Variants in TOR1A observed in about 807,000 individuals in gnomAD.
The protein encoded by TOR1A is torsin-1A.
In TOR1A, 18 loss-of-function variants were observed where a neutral mutation model predicts 31.4. The observed-to-expected ratio is 0.57, with a 90% CI of 0.40 to 0.85. The LOEUF is 0.85. Ranked by LOEUF, TOR1A falls within the 40% of genes least tolerant of loss-of-function variation. The pLI is 0.00. For synonymous variants in TOR1A, 168 were observed against 165.9 expected (o/e 1.01, Z -0.10); for missense variants, 375 against 416.4 (o/e 0.90, Z 0.87).
At chr9:129,819,366 T>C (rs2031124807) in intron 2 of TOR1A, among the ~76,000 whole-genome samples, 1 of 152,184 alleles carries the variant, frequency 6.6e-6, no homozygotes, top group African/African-American at 2.4e-5. Context: ...ACACCTGTAA[T>C]CCCAGCACTT....
chr9:129,819,513 T>C (rs1053037569), intron 2 of TOR1A, among the ~76,000 whole-genome samples: 1 of 151,956 alleles, frequency 6.6e-6, no homozygotes, highest in African/African-American at 2.4e-5. Context: ...CCCAGCACTT[T>C]GGGAGGCCAA....
chr9:129,814,147 T>C lies in TOR1A; in HGVS notation c.824A>G (p.Lys275Arg). The change falls in exon 5 of 5, where the codon AAA (lysine) becomes AGA (arginine). Residue 275 changes from lysine to arginine, a missense_variant. Transcript: ENST00000351698. The stretch of plus-strand genomic sequence containing the variant: ...CACTCGGATACACATTTTTAGGTGT[T>C]TGTATTCCAGGGGGAGGAAGGGAAC... ...YFVPFLPLEY[K>R]HLKMCIRVEM... 6.2e-7 allele frequency: 1 copy of C among 1,614,166 alleles called. No individual in the cohort carries two copies.
Position 129,813,556 on chromosome 9 carries a change from A to C in TOR1A, c.*416T>G, listed in dbSNP as rs186581792. The stretch of plus-strand genomic sequence containing the variant: ...TAATAATGATGAGAACTTAAAAAAA[A>C]ACACACACACAAGGCCAACAACTTA... On this transcript the variant is annotated 3_prime_UTR_variant, in exon 5 of 5. Transcript: ENST00000351698. 4,823 of 300,488 alleles carry C rather than the reference A, an allele frequency of 0.016. 52 individuals carry two copies. The highest frequency in any genetic ancestry group is 0.02 in the Non-Finnish European group (3,159 of 155,166). The allele number at this position is 300,488 out of a possible 1,614,324, so 18.6% of individuals were successfully genotyped here.
At chr9:129,820,041 A>G (rs1201527596) in intron 2 of TOR1A, among the ~76,000 whole-genome samples, 1 of 152,024 alleles carries the variant, frequency 6.6e-6, no homozygotes, top group Non-Finnish European at 1.5e-5. Flanking sequence ...AAGGTTTCTC[A>G]CTCTGGTGAC....
intron 2 of TOR1A, among the ~76,000 whole-genome samples, chr9:129,819,956 A>T (rs1198573197): frequency 6.7e-6 from 1 of 149,380 alleles, no homozygotes; most frequent in African/African-American, 2.4e-5. Flanking sequence ...TAATAATAAT[A>T]AATAAATAAA....
intron 4 of TOR1A, among the ~76,000 whole-genome samples, chr9:129,815,802 T>C (rs2031021655): frequency 6.6e-6 from 1 of 152,206 alleles, no homozygotes; most frequent in Non-Finnish European, 1.5e-5. Flanking sequence ...GCCAGGTCCT[T>C]GATTCTTCTC....
At chr9:129,822,514 C>A (rs751704169) in intron 2 of TOR1A, 67 bp downstream of exon 2, 27 of 1,602,004 alleles carry the variant, frequency 1.7e-5, no homozygotes, top group Non-Finnish European at 2.2e-5. Flanking sequence ...TCCCAAATCT[C>A]ATCCCACAAC....
At chr9:129,822,073 C>G (rs769215500) in intron 2 of TOR1A, 1 of 227,334 alleles carries the variant, frequency 4.4e-6, no homozygotes, top group Non-Finnish European at 8.9e-6. Flanking sequence ...CGAGACCAGC[C>G]TGGCCAAGTT....
In TOR1A at chr9:129,824,046, C is replaced by CCAG. The variant is rs772003507; in HGVS notation, c.37_39dup (p.Leu13dup). 5 of 1,604,448 alleles carry CCAG rather than the reference C, an allele frequency of 3.1e-6. No individual in the cohort carries two copies. Among genetic ancestry groups the CCAG allele is most frequent in the Admixed American group, 1.7e-5 (1 of 59,360 alleles). On this transcript the variant is annotated inframe_insertion, in exon 1 of 5. Coordinates refer to ENST00000351698, the MANE Select transcript of TOR1A (RefSeq NM_000113.3). ...TCCACCGCCTGCACCACGGACGGCG[C>CCAG]CAGCAGCAGCAGGCCCAGCACGGCC...
intron 4 of TOR1A, among the ~76,000 whole-genome samples, chr9:129,817,715 C>A (rs1212458217): frequency 2.9e-5 from 4 of 136,402 alleles, no homozygotes; most frequent in Admixed American, 7.4e-5. Flanking sequence ...AAAAAAAAAA[C>A]AGCAGGCCAG....
intron 4 of TOR1A, chr9:129,818,295 T>G (rs867334755): frequency 1.1e-4 from 71 of 657,090 alleles, no homozygotes; most frequent in African/African-American, 9.7e-4. Flanking sequence ...AGAGTAAAAC[T>G]ATCTGAAAAA....
At position 129,822,604 on chromosome 9, in the gene TOR1A, CATGTGGAAAGTGCA is replaced by C. The variant is rs1369342795; in HGVS notation, c.407_420del (p.Leu136CysfsTer30). On this transcript the variant is annotated frameshift_variant, in exon 2 of 5. Coordinates refer to ENST00000351698, the MANE Select transcript of TOR1A (RefSeq NM_000113.3). LOFTEE classifies it high-confidence loss of function. ...GCCTTGTACAAGGTGATGTTTGAAG[CATGTGGAAAGTGCA>C]ATGTGGCCACAAACAGGTGGACATA... is the stretch of plus-strand genomic sequence containing the variant. 1 of 1,614,078 alleles carries C rather than the reference CATGTGGAAAGTGCA, an allele frequency of 6.2e-7. No individual in the cohort carries two copies. The highest frequency in any genetic ancestry group is 1.3e-5 in the African/African-American group (1 of 74,930).
At chr9:129,823,759 G>C in intron 1 of TOR1A, 149 bp downstream of exon 1, 1 of 500,224 alleles carries the variant, frequency 2.0e-6, no homozygotes, top group Non-Finnish European at 3.0e-6. Context: ...CCAGCCCCCA[G>C]GCCCCGCTCC....
intron 4 of TOR1A, among the ~76,000 whole-genome samples, chr9:129,817,322 T>C (rs963381463): frequency 6.6e-6 from 1 of 152,154 alleles, no homozygotes; most frequent in Non-Finnish European, 1.5e-5. Flanking sequence ...TAACAGGTCA[T>C]CTCTCCCCCT....
chr9:129,814,222 C>T lies in TOR1A; in HGVS notation c.749G>A (p.Ser250Asn). Residue 250 changes from serine (S) to asparagine (N), a missense_variant and splice_region_variant, in exon 5 of 5, where the codon AGT becomes AAT. Coordinates refer to ENST00000351698, the MANE Select transcript of TOR1A (RefSeq NM_000113.3). ...LSVSVFNNKN[S>N]GFWHSSLIDR... ...AATTAAGCTGCTGTGCCAGAAGCCA[C>T]CTGGGAAGAAGAAACAAGGTGCTGT... is the stretch of plus-strand genomic sequence containing the variant. 4.3e-6 allele frequency: 7 copies of T among 1,614,098 alleles called. No individual in the cohort carries two copies. Among genetic ancestry groups the T allele is most frequent in the South Asian group, 2.2e-5 (2 of 91,076 alleles).
At position 129,813,952 on chromosome 9, in the gene TOR1A, C is replaced by G; in HGVS notation, c.*20G>C. 1 of 1,613,368 alleles carries G rather than the reference C, an allele frequency of 6.2e-7. No homozygotes were observed. Among genetic ancestry groups the G allele is most frequent in the South Asian group, 1.1e-5 (1 of 91,080 alleles). ...TCTTTTCCAACTCCAGGCAGTGACT[C>G]CGGCTGCCAATCATGACTGTCAATC... On this transcript the variant is annotated 3_prime_UTR_variant, in exon 5 of 5. Coordinates refer to ENST00000351698, the MANE Select transcript of TOR1A (RefSeq NM_000113.3).
intron 4 of TOR1A, among the ~76,000 whole-genome samples, chr9:129,816,685 A>G (rs1289385084): frequency 2.0e-5 from 3 of 152,032 alleles, no homozygotes; most frequent in Admixed American, 6.6e-5. Context: ...CCAGGTTGGC[A>G]CTCCTAAGCA....
Position 129,813,780 on chromosome 9 carries a change from G to GA in TOR1A, c.*191_*192insT, listed in dbSNP as rs1365087229. 2 of 782,846 alleles carry GA rather than the reference G, an allele frequency of 2.6e-6. No homozygotes were observed. The highest frequency in any genetic ancestry group is 2.7e-5 in the East Asian group (1 of 37,230). The allele number at this position is 782,846 out of a possible 1,614,324, so 48.5% of individuals were successfully genotyped here. A position where few individuals can be genotyped will look rare whatever the true frequency, so the allele number is the denominator to read the frequency against. On this transcript the variant is annotated 3_prime_UTR_variant, in exon 5 of 5. Transcript: ENST00000351698. ...CGTGTTCGGGAGGCTTCACGTCCTC[G>GA]CCCGTGGTCCCTGGGTGGCCTGCAG...
chr9:129,822,537 A>G, intron 2 of TOR1A, 44 bp downstream of exon 2: 1 of 1,613,068 alleles, frequency 6.2e-7, no homozygotes, highest in South Asian at 1.1e-5. Flanking sequence ...AGAGACCCCA[A>G]ACCCGATGAC....
Sources: allele counts gnomAD v4.1 joint callset (sites outside exome capture counted in the v4.1 genomes callset), GRCh38; gene constraint gnomAD v4.1.1; transcripts MANE v1.5; gene names NCBI Gene and HGNC (gene_info 2026-07-23, HGNC 2026-07-21).